The following ENO1 variants were observed in gnomAD, a reference collection of about 807,000 sequenced individuals.
ENO1 encodes the protein enolase 1, also known as alpha-enolase.
Under a neutral mutation model 46.3 loss-of-function variants are expected in ENO1, and 33 were observed. The observed-to-expected ratio is 0.71, with a 90% CI of 0.54 to 0.95. ENO1 has a LOEUF of 0.95. ENO1 is among the 40% of genes least tolerant of loss of function. The probability of loss-of-function intolerance (pLI) is 0.00; values close to 1 mark genes in which losing one functional copy is unlikely to be tolerated. For synonymous variants in ENO1, 220 were observed against 216.0 expected (o/e 1.02, Z -0.16); for missense variants, 488 against 553.3 (o/e 0.88, Z 1.18).
chr1:8,876,266 A>G (rs1642730037), intron 1 of ENO1: 1 of 152,170 alleles, frequency 6.6e-6, no homozygotes, highest in South Asian at 2.1e-4. Flanking sequence ...TTAACTTTCA[A>G]AATTATTTAC....
intron 11 of ENO1, among the ~76,000 whole-genome samples, chr1:8,862,089 A>C (rs1642417358): frequency 6.6e-6 from 1 of 152,102 alleles, no homozygotes; most frequent in Non-Finnish European, 1.5e-5. Flanking sequence ...CAGAGGTTGC[A>C]GTGAGCCAAG....
In ENO1 at chr1:8,870,491, C is replaced by T. The variant is rs28999074; in HGVS notation, c.201G>A (p.Glu67=). ...YMGKGVSKAV[E]HINKTIAPAL... ...CAGGCGCAATAGTTTTATTGATGTG[C>T]TCAACAGCCTTTGAGACACCTGGAA... Residue 67 remains glutamate (E), a synonymous_variant, in exon 4 of 12, where the codon GAG becomes GAA. Coordinates refer to ENST00000234590, the MANE Select transcript of ENO1 (RefSeq NM_001428.5). 3 of 1,614,160 alleles carry T rather than the reference C, an allele frequency of 1.9e-6. No homozygotes were observed. The highest frequency in any genetic ancestry group is 2.2e-5 in the East Asian group (1 of 44,882).
chr1:8,871,668 G>C, intron 3 of ENO1: 1 of 1,350,492 alleles, frequency 7.4e-7, no homozygotes, highest in Non-Finnish European at 9.5e-7. Flanking sequence ...GCAAGCATTG[G>C]AACTCTCGAC....
Position 8,871,993 on chromosome 1 carries a change from G to A in ENO1, c.86-7C>T, listed in dbSNP as rs1231061198. The stretch of plus-strand genomic sequence containing the variant: ...ACAGCAGCTCTGAAGAGACCTGGAT[G>A]AGAGGAAAAAAGATGTAGTAGCAAT... On this transcript the variant is annotated splice_region_variant and splice_polypyrimidine_tract_variant and intron_variant, in intron 2 of 11. Coordinates refer to ENST00000234590, the MANE Select transcript of ENO1 (RefSeq NM_001428.5). 1.2e-6 allele frequency: 2 copies of A among 1,611,900 alleles called. No homozygotes were observed. The highest frequency in any genetic ancestry group is 1.1e-5 in the South Asian group (1 of 89,886).
At position 8,863,363 on chromosome 1, in the gene ENO1, C is replaced by G; in HGVS notation, c.1068-20G>C. ...TTGCACCTGGAAGCCAAGGAACAACCCAGATGGCATGATCCCATTTTCTGG... is the reference window on the plus strand; with the variant it reads ...TTGCACCTGGAAGCCAAGGAACAACGCAGATGGCATGATCCCATTTTCTGG... On this transcript the variant is annotated intron_variant, in intron 9 of 11. Transcript: ENST00000234590. 1 of 1,605,076 alleles carries G rather than the reference C, an allele frequency of 6.2e-7. No individual in the cohort carries two copies. The highest frequency in any genetic ancestry group is 2.2e-5 in the East Asian group (1 of 44,840).
intron 8 of ENO1, 66 bp downstream of exon 8, chr1:8,865,217 CAG>C (rs1557579832): frequency 1.9e-6 from 3 of 1,579,896 alleles, no homozygotes; most frequent in Non-Finnish European, 8.7e-7. Flanking sequence ...ACCAGCCAGC[CAG>C]ATGCTCCAGC....
At chr1:8,871,742 G>A in intron 3 of ENO1, 149 bp downstream of exon 3, 2 of 1,257,682 alleles carry the variant, frequency 1.6e-6, no homozygotes, top group South Asian at 1.5e-5. Flanking sequence ...ACAAGGTGGT[G>A]CACTGCTTCC....
intron 1 of ENO1, chr1:8,878,315 G>A (rs990638906): frequency 1.1e-5 from 3 of 272,238 alleles, no homozygotes; most frequent in African/African-American, 4.8e-5. Context: ...ACTCGGCCCC[G>A]CAGTCGGTAA....
At chr1:8,868,979 C>T (rs2124082740) in intron 4 of ENO1, among the ~76,000 whole-genome samples, 1 of 152,306 alleles carries the variant, frequency 6.6e-6, no homozygotes, top group African/African-American at 2.4e-5. Flanking sequence ...TTAGCCACTG[C>T]ACCCAGCCAA....
At chr1:8,872,303 A>C (rs1339897217) in intron 2 of ENO1, among the ~76,000 whole-genome samples, 1 of 152,164 alleles carries the variant, frequency 6.6e-6, no homozygotes, top group Admixed American at 6.5e-5. Flanking sequence ...ACAAGCTCGC[A>C]TTGGTGCCCT....
At chr1:8,868,251 T>C (rs1642564597) in intron 4 of ENO1, among the ~76,000 whole-genome samples, 194 bp from the exon 5 acceptor site, 2 of 152,038 alleles carry the variant, frequency 1.3e-5, no homozygotes, top group African/African-American at 2.4e-5. Context: ...GCTTTGATGG[T>C]TATCAGGCAT....
intron 11 of ENO1, among the ~76,000 whole-genome samples, chr1:8,862,139 TC>T (rs1642418012): frequency 6.6e-6 from 1 of 151,214 alleles, no homozygotes; most frequent in Admixed American, 6.6e-5. Context: ...CAGAGTGAGA[TC>T]CCTCTCAAAA....
At chr1:8,865,848 A>G (rs1314519758) in intron 7 of ENO1, among the ~76,000 whole-genome samples, 3 of 151,254 alleles carry the variant, frequency 2.0e-5, no homozygotes, top group Admixed American at 2.0e-4. Flanking sequence ...TCCAAGAGAA[A>G]GCCCAGTGGA....
chr1:8,861,046 C>T lies in ENO1; in HGVS notation c.*314G>A, dbSNP rs1437453701. The stretch of plus-strand genomic sequence containing the variant: ...CTTTTTATTTTGAGCACAAAACCAC[C>T]GGGGATCTAGCCTGTGGCCACCCCG... On this transcript the variant is annotated 3_prime_UTR_variant, in exon 12 of 12. Transcript: ENST00000234590. The T allele has an allele frequency of 1.3e-5, 4 of 297,948 alleles. No homozygotes were observed. Among genetic ancestry groups the T allele is most frequent in the East Asian group, 1.3e-4 (2 of 15,780 alleles). 18.5% of individuals were successfully genotyped at this position (297,948 alleles called of 1,614,324 possible).
chr1:8,866,645 C>T, intron 6 of ENO1, 144 bp from the exon 7 acceptor site: 1 of 777,926 alleles, frequency 1.3e-6, no homozygotes, highest in Non-Finnish European at 2.1e-6. Flanking sequence ...GGCCAGGGTG[C>T]TGTGAAATGC....
rs904654449 is a variant in ENO1, at chr1:8,868,118, C to T, written c.241-61G>A. On this transcript the variant is annotated intron_variant, in intron 4 of 11. Transcript: ENST00000234590. ...ACTCTTATCTGCATAGCCTTTGCTC[C>T]CCTACCATGGAATCTGACTTTGGAA... 1.3e-5 allele frequency: 16 copies of T among 1,218,058 alleles called. No homozygotes were observed. The East Asian group carries it at 2.6e-4, about 20-fold the overall frequency. 75.5% of individuals were successfully genotyped at this position (1,218,058 alleles called of 1,614,324 possible). A position where few individuals can be genotyped will look rare whatever the true frequency, so the allele number is the denominator to read the frequency against.
chr1:8,861,836 C>T lies in ENO1; in HGVS notation c.1236-407G>A, dbSNP rs1642411332. 2.8e-5 allele frequency among the ~76,000 whole-genome samples: 4 copies of T among 142,024 alleles called. 1 individual carries two copies. In the South Asian group the frequency reaches 6.6e-4, roughly 23 times the overall value. The allele number at this position is 142,024 out of a possible 152,430, so 93.2% of individuals were successfully genotyped here. A position where few individuals can be genotyped will look rare whatever the true frequency, so the allele number is the denominator to read the frequency against. On this transcript the variant is annotated intron_variant, in intron 11 of 11. Transcript: ENST00000234590. ...TGGCATGGGGAGAAAAGGAGAGTGA[C>T]CTTATTAAAAGACAAAATGTGTGAG...
chr1:8,875,210 C>A (rs2124106553), intron 1 of ENO1, among the ~76,000 whole-genome samples: 1 of 151,802 alleles, frequency 6.6e-6, no homozygotes, highest in South Asian at 2.1e-4. Flanking sequence ...CTGCTCAAGT[C>A]ATTGCCAAGG....
rs1361597424 is a variant in ENO1, at chr1:8,863,979, T to A, written c.979A>T (p.Arg327Trp). The A allele has an allele frequency of 1.9e-6, 3 of 1,614,016 alleles. No individual in the cohort carries two copies. The highest frequency in any genetic ancestry group is 1.3e-5 in the African/African-American group (1 of 74,894). Residue 327 changes from arginine to tryptophan, a missense_variant, in exon 9 of 12, where the codon AGG becomes TGG. Physicochemically the swap from Arg to Trp is moderately radical, Grantham distance 101 (BLOSUM62 -3). Coordinates refer to ENST00000234590, the MANE Select transcript of ENO1 (RefSeq NM_001428.5). ...GDDLTVTNPK[R>W]IAKAVNEKSC... is the part of the protein sequence containing the mutation. The stretch of plus-strand genomic sequence containing the variant: ...TTCTCGTTCACGGCCTTGGCGATCC[T>A]CTTTGGGTTGGTCACTGTGAGATCA...
Sources: allele counts gnomAD v4.1 joint callset (sites outside exome capture counted in the v4.1 genomes callset), GRCh38; gene constraint gnomAD v4.1.1; transcripts MANE v1.5; gene names NCBI Gene and HGNC (gene_info 2026-07-23, HGNC 2026-07-21).